The following ELFN2 variants were observed in gnomAD, a reference collection of about 807,000 sequenced individuals.
The protein encoded by ELFN2 is extracellular leucine rich repeat and fibronectin type III domain containing 2, also known as protein phosphatase 1 regulatory subunit 29.
Under a neutral mutation model 45.5 loss-of-function variants are expected in ELFN2, and 17 were observed. That is an observed-to-expected ratio of 0.37 (90% confidence interval 0.26 to 0.56). The LOEUF (loss-of-function observed/expected upper bound fraction) is 0.56. ELFN2 is among the 20% of genes least tolerant of loss of function. The probability of loss-of-function intolerance (pLI) is 0.77; values close to 1 mark genes in which losing one functional copy is unlikely to be tolerated. For missense variants in ELFN2, 922 were observed against 1,183.2 expected, an observed-to-expected ratio of 0.78 and a Z score of 3.24; for synonymous variants, 550 against 551.5, an observed-to-expected ratio of 1.00 and a Z score of 0.04.
chr22:37,372,847 A>G lies in ELFN2; in HGVS notation c.*225T>C. 5.3e-6 allele frequency: 3 copies of G among 562,142 alleles called. No homozygotes were observed. The East Asian group carries it at 9.1e-5, about 17-fold the overall frequency. The allele number at this position is 562,142 out of a possible 1,614,324, so 34.8% of individuals were successfully genotyped here. A position where few individuals can be genotyped will look rare whatever the true frequency, so the allele number is the denominator to read the frequency against. On this transcript the variant is annotated 3_prime_UTR_variant, in exon 3 of 3. Coordinates refer to ENST00000402918, the MANE Select transcript of ELFN2 (RefSeq NM_052906.5). This position sits in a 1 kb window ranked among gnomAD's most constrained non-coding sequence, Gnocchi z 4.4. ...GTTTCGGTATCAGTTTGTAAACTTT[A>G]AGGAAAATGTGTCTCTGTTTTCCTG...
At chr22:37,388,961 T>C (rs935081021) in intron 2 of ELFN2, among the ~76,000 whole-genome samples, 1 of 152,016 alleles carries the variant, frequency 6.6e-6, no homozygotes, top group African/African-American at 2.4e-5. Flanking sequence ...ATGGGAGAGG[T>C]CACAGAGAAT....
At position 37,373,148 on chromosome 22, in the gene ELFN2, A is replaced by G. The variant is rs1569131467; in HGVS notation, c.2387T>C (p.Val796Ala). 1 of 1,613,116 alleles carries G rather than the reference A, an allele frequency of 6.2e-7. No homozygotes were observed. The highest frequency in any genetic ancestry group is 1.3e-5 in the African/African-American group (1 of 74,894). Residue 796 changes from valine (V) to alanine (A), a missense_variant, in exon 3 of 3, where the codon GTC becomes GCC. Physicochemically the swap from Val to Ala is moderately conservative, Grantham distance 64. Around this residue, in one of 2 missense-constraint regions of ELFN2, gnomAD observed 564 missense variants for 642.8 expected, o/e 0.88. Coordinates refer to ENST00000402918, the MANE Select transcript of ELFN2 (RefSeq NM_052906.5). ...CAGATCCTCGTCCTTGGCGAACTGGACCTTCTTGCGCAGGGCGTGACCGGC... is the reference window on the plus strand; with the variant it reads ...CAGATCCTCGTCCTTGGCGAACTGGGCCTTCTTGCGCAGGGCGTGACCGGC... ...MAAGHALRKK[V>A]QFAKDEDLHD...
At chr22:37,395,234 A>C (rs1932185182) in intron 2 of ELFN2, among the ~76,000 whole-genome samples, 1 of 152,222 alleles carries the variant, frequency 6.6e-6, no homozygotes, top group Non-Finnish European at 1.5e-5. Flanking sequence ...GTAAGTGGTG[A>C]GGCTGGGATT....
Position 37,373,426 on chromosome 22 carries a change from G to C in ELFN2, c.2109C>G (p.Tyr703Ter). The change falls in exon 3 of 3, where the codon TAC becomes TAG. Residue 703 changes from tyrosine to a stop codon, truncating the protein, a stop_gained. Transcript: ENST00000402918. LOFTEE classifies it high-confidence loss of function. Reference protein sequence around the residue: ...GIHHLEVKPAYHCSEHRHSFP... With the variant: ...GIHHLEVKPA ...AGCTGTGCCGGTGCTCGCTGCAGTGGTAGGCCGGCTTCACCTCCAGGTGGT... is the reference window on the plus strand; with the variant it reads ...AGCTGTGCCGGTGCTCGCTGCAGTGCTAGGCCGGCTTCACCTCCAGGTGGT... The C allele has an allele frequency of 6.4e-7, 1 of 1,564,632 alleles. No homozygotes were observed. Among genetic ancestry groups the C allele is most frequent in the Non-Finnish European group, 8.6e-7 (1 of 1,156,654 alleles).
chr22:37,365,053 G>T (rs1931173285), downstream of ELFN2, among the ~76,000 whole-genome samples: 1 of 152,208 alleles, frequency 6.6e-6, no homozygotes, highest in South Asian at 2.1e-4. Context: ...TGAGCCCAGA[G>T]GAGAGAACCA....
chr22:37,393,046 C>A (rs1932123704), intron 2 of ELFN2, among the ~76,000 whole-genome samples: 1 of 152,232 alleles, frequency 6.6e-6, no homozygotes, highest in Non-Finnish European at 1.5e-5. Flanking sequence ...TCAAACCCCT[C>A]TTTCACAGAG....
intron 1 of ELFN2, among the ~76,000 whole-genome samples, chr22:37,347,032 G>A (rs1569124235): frequency 6.6e-6 from 1 of 152,002 alleles, no homozygotes; most frequent in Non-Finnish European, 1.5e-5. Context: ...AGGCTGGAGT[G>A]CAATGGCATG....
intron 1 of ELFN2, chr22:37,353,417 G>A (rs1167562551): frequency 6.6e-6 from 1 of 151,132 alleles, no homozygotes; most frequent in East Asian, 1.9e-4. Context: ...TCAGCCTTGA[G>A]TCGCTTTACA....
At chr22:37,340,936 C>T (rs1930543693) in exon 3 of ELFN2, 1 of 152,278 alleles carries the variant, frequency 6.6e-6, no homozygotes, top group South Asian at 2.1e-4. Context: ...GCCGGGACTG[C>T]AGCTTTGAAA....
intron 1 of ELFN2, among the ~76,000 whole-genome samples, chr22:37,351,478 C>T (rs1930819827): frequency 6.7e-6 from 1 of 150,230 alleles, no homozygotes; most frequent in Non-Finnish European, 1.5e-5. Flanking sequence ...TTGACTCCTC[C>T]AGTGGGGGCA....
At position 37,373,927 on chromosome 22, in the gene ELFN2, G is replaced by A; in HGVS notation, c.1608C>T (p.Thr536=). The A allele has an allele frequency of 1.9e-6, 3 of 1,613,356 alleles. No homozygotes were observed. The highest frequency in any genetic ancestry group is 2.5e-6 in the Non-Finnish European group (3 of 1,179,980). Reference sequence around the variant, plus strand: ...TGACCTTGTCCACCTCCTTGGCAATGGTGGAGATCTCTGCAGCCGAGCCCT... The same window carrying A: ...TGACCTTGTCCACCTCCTTGGCAATAGTGGAGATCTCTGCAGCCGAGCCCT... ...NGQGSAAEIS[T]IAKEVDKVNQ... The change falls in exon 3 of 3, where the codon ACC becomes ACT. Residue 536 remains threonine (T), a synonymous_variant. Transcript: ENST00000402918.
At chr22:37,394,712 C>T (rs1461806758) in intron 2 of ELFN2, among the ~76,000 whole-genome samples, 3 of 152,198 alleles carry the variant, frequency 2.0e-5, no homozygotes, top group South Asian at 2.1e-4. Flanking sequence ...GTGCCTCATA[C>T]GCTGTAAATG....
rs1931352052 is a variant in ELFN2 at position 37,371,005 on chromosome 22, G to A, written c.*2067C>T. 6.6e-6 allele frequency: 1 copy of A among 152,246 alleles called. No homozygotes were observed. Among genetic ancestry groups the A allele is most frequent in the South Asian group, 2.1e-4 (1 of 4,826 alleles). The allele number at this position is 152,246 out of a possible 1,614,324, so 9.4% of individuals were successfully genotyped here. A position where few individuals can be genotyped will look rare whatever the true frequency, so the allele number is the denominator to read the frequency against. ...CAGGTTTTGGGGGCCGGGGGAGGAG[G>A]TCTGCTCCGCGTATCCATGCCGCCC... is the stretch of plus-strand genomic sequence containing the variant. On this transcript the variant is annotated 3_prime_UTR_variant, in exon 3 of 3. Transcript: ENST00000402918. The surrounding 1 kb of genome is among the most constrained non-coding windows in gnomAD (Gnocchi z 6.4).
chr22:37,345,643 G>T (rs1930679475), intron 1 of ELFN2, among the ~76,000 whole-genome samples: 1 of 151,256 alleles, frequency 6.6e-6, no homozygotes, highest in South Asian at 2.1e-4. Context: ...TGCCTCCCAG[G>T]TTCAAGCAAT....
intron 2 of ELFN2, among the ~76,000 whole-genome samples, chr22:37,403,850 T>G (rs571700620): frequency 1.3e-5 from 2 of 152,330 alleles, no homozygotes; most frequent in African/African-American, 4.8e-5. Context: ...GAGAGAGCCT[T>G]GGGTTTGGCT....
downstream of ELFN2, among the ~76,000 whole-genome samples, chr22:37,364,926 C>G (rs1411601275): frequency 6.6e-6 from 1 of 152,192 alleles, no homozygotes; most frequent in East Asian, 1.9e-4. Context: ...GACAAGGTAC[C>G]TCCTAAATCT....
intron 2 of ELFN2, among the ~76,000 whole-genome samples, chr22:37,406,017 C>T (rs1932492597): frequency 6.6e-6 from 1 of 152,104 alleles, no homozygotes; most frequent in Admixed American, 6.5e-5. Flanking sequence ...TGAGACGCAC[C>T]TGTAGCCCCA....
chr22:37,360,064 T>C (rs1424294061), intron 1 of ELFN2, among the ~76,000 whole-genome samples: 4 of 152,214 alleles, frequency 2.6e-5, no homozygotes, highest in Non-Finnish European at 5.9e-5. Context: ...AAACTCATGG[T>C]GCTGGTGGTG....
intron 1 of ELFN2, chr22:37,426,999 C>CCT (rs1010769746): frequency 1.3e-5 from 2 of 152,424 alleles, no homozygotes; most frequent in African/African-American, 4.8e-5. Flanking sequence ...CACCATCGAG[C>CCT]CTCTGCACCA....
Sources: allele counts gnomAD v4.1 joint callset (sites outside exome capture counted in the v4.1 genomes callset), GRCh38; gene constraint gnomAD v4.1.1; regional missense constraint gnomAD v4.1.1; non-coding constraint Gnocchi (gnomAD v3.1); transcripts MANE v1.5; gene names NCBI Gene and HGNC (gene_info 2026-07-23, HGNC 2026-07-21).